The following MACROD2 variants were observed in gnomAD, a reference collection of about 807,000 sequenced individuals.
MACROD2 encodes ADP-ribose glycohydrolase MACROD2.
In MACROD2, 36 loss-of-function variants were observed where a neutral mutation model predicts 70.4. The observed-to-expected ratio is 0.51, with a 90% CI of 0.39 to 0.68. The LOEUF (loss-of-function observed/expected upper bound fraction) is 0.68, where lower values mean the gene tolerates loss of function less well. Among genes scored for constraint, MACROD2 ranks in the 30% least tolerant of loss-of-function variants. MACROD2 has a pLI of 0.00. For synonymous variants in MACROD2, 172 were observed against 178.8 expected, an observed-to-expected ratio of 0.96 and a Z score of 0.30; for missense variants, 496 against 538.4, an observed-to-expected ratio of 0.92 and a Z score of 0.78.
At chr20:15,685,664 C>T (rs543214098) in intron 8 of MACROD2, among the ~76,000 whole-genome samples, 5 of 151,934 alleles carry the variant, frequency 3.3e-5, no homozygotes, top group South Asian at 4.1e-4. Flanking sequence ...GACCTTCTAA[C>T]CTCCAGGCTT....
chr20:14,369,290 T>G (rs1446451096), intron 3 of MACROD2, among the ~76,000 whole-genome samples: 1 of 84,542 alleles, frequency 1.2e-5, no homozygotes, highest in Non-Finnish European at 3.1e-5. Flanking sequence ...TTATAGCAAA[T>G]GTAGTTTTTT....
chr20:14,451,516 G>A (rs2084244859), intron 3 of MACROD2, among the ~76,000 whole-genome samples: 1 of 152,180 alleles, frequency 6.6e-6, no homozygotes, highest in Non-Finnish European at 1.5e-5. Flanking sequence ...ATCCCACTGG[G>A]AACTCTGGGA....
intron 8 of MACROD2, among the ~76,000 whole-genome samples, chr20:15,764,104 A>G (rs1377451432): frequency 6.6e-6 from 1 of 152,348 alleles, no homozygotes; most frequent in East Asian, 1.9e-4. Context: ...GCCATTCCAT[A>G]GAAGAGAAGT....
chr20:15,390,486 C>T (rs1023592247), intron 6 of MACROD2, among the ~76,000 whole-genome samples: 1 of 152,218 alleles, frequency 6.6e-6, no homozygotes, highest in South Asian at 2.1e-4. Flanking sequence ...CACTTTGTAG[C>T]CTTCAGAATC....
intron 5 of MACROD2, among the ~76,000 whole-genome samples, chr20:14,802,492 C>G (rs1488739630): frequency 6.6e-6 from 1 of 151,818 alleles, no homozygotes; most frequent in East Asian, 1.9e-4. Flanking sequence ...ACTGTTGATA[C>G]ATGTGCTTAC....
chr20:15,573,809 T>A (rs1458099116), intron 8 of MACROD2, among the ~76,000 whole-genome samples: 1 of 152,124 alleles, frequency 6.6e-6, no homozygotes. Flanking sequence ...GCACTTGGAA[T>A]GGTGTAGCCA....
intron 4 of MACROD2, among the ~76,000 whole-genome samples, chr20:14,638,835 A>G (rs1419628385): frequency 6.6e-6 from 1 of 151,956 alleles, no homozygotes; most frequent in Non-Finnish European, 1.5e-5. Flanking sequence ...CTGTAGTCCT[A>G]GCTACTCGGG....
intron 13 of MACROD2, among the ~76,000 whole-genome samples, chr20:15,971,826 CAG>C (rs1455397299): frequency 1.3e-4 from 20 of 151,946 alleles, no homozygotes; most frequent in Non-Finnish European, 5.9e-5. Flanking sequence ...GGTAAAATCT[CAG>C]AGTCTTCATA....
intron 3 of MACROD2, among the ~76,000 whole-genome samples, chr20:14,230,011 A>G (rs961994802): frequency 3.9e-5 from 6 of 152,234 alleles, no homozygotes; most frequent in African/African-American, 1.4e-4. Context: ...ATAGCATTAT[A>G]TCTAAAAACA....
intron 2 of MACROD2, among the ~76,000 whole-genome samples, chr20:14,082,010 A>T (rs898671240): frequency 6.6e-6 from 1 of 152,148 alleles, no homozygotes; most frequent in Non-Finnish European, 1.5e-5. Flanking sequence ...TCACAGCAGT[A>T]TATTTATTCA....
At chr20:14,740,533 A>G (rs932584752) in intron 5 of MACROD2, among the ~76,000 whole-genome samples, 1 of 152,192 alleles carries the variant, frequency 6.6e-6, no homozygotes, top group Non-Finnish European at 1.5e-5. Context: ...AAATTAAACT[A>G]TCTTGCATAT....
intron 2 of MACROD2, among the ~76,000 whole-genome samples, chr20:14,084,376 C>T (rs535723181): frequency 6.6e-6 from 1 of 152,212 alleles, no homozygotes; most frequent in African/African-American, 2.4e-5. Context: ...GAGAGTGTCT[C>T]AGTGAATGAA....
intron 4 of MACROD2, among the ~76,000 whole-genome samples, chr20:14,591,499 G>T (rs764460875): frequency 9.2e-5 from 14 of 152,284 alleles, no homozygotes; most frequent in Non-Finnish European, 7.3e-5. Context: ...TTTTAAAAGC[G>T]ATTTCAGCTG....
intron 8 of MACROD2, among the ~76,000 whole-genome samples, chr20:15,722,736 A>C (rs1048926529): frequency 6.6e-6 from 1 of 152,154 alleles, no homozygotes; most frequent in Non-Finnish European, 1.5e-5. Context: ...AATTTTAATA[A>C]AATTGACATA....
chr20:14,648,606 CTTTG>C (rs1232184592), intron 4 of MACROD2, among the ~76,000 whole-genome samples: 3 of 148,564 alleles, frequency 2.0e-5, no homozygotes, highest in Non-Finnish European at 3.0e-5. Flanking sequence ...TTTGCCTCTT[CTTTG>C]TTTATTTAAA....
chr20:15,941,427 A>T (rs1203020715), intron 12 of MACROD2, among the ~76,000 whole-genome samples: 2 of 152,180 alleles, frequency 1.3e-5, no homozygotes, highest in Admixed American at 6.5e-5. Context: ...TTCAGAGCTT[A>T]GACCAGCTTA....
intron 15 of MACROD2, among the ~76,000 whole-genome samples, chr20:16,030,218 T>C (rs1187518809): frequency 6.6e-6 from 1 of 152,186 alleles, no homozygotes; most frequent in Non-Finnish European, 1.5e-5. Context: ...AAGTCCAAGA[T>C]GGCAACTGTG....
chr20:15,487,741 GAAC>G (rs1050946767), intron 7 of MACROD2, among the ~76,000 whole-genome samples: 37 of 152,266 alleles, frequency 2.4e-4, no homozygotes, highest in African/African-American at 8.9e-4. Flanking sequence ...CAGGGGAGCT[GAAC>G]ACTGAGAAGT....
In MACROD2 at chr20:14,842,142, G is replaced by A. The variant is rs77601627; in HGVS notation, c.418+157183G>A. ...GGCATGATTGAAGGCATCGCATGGCGAGACCGACCGTTCTCTAGAGAGAGG... is the reference window on the plus strand; with the variant it reads ...GGCATGATTGAAGGCATCGCATGGCAAGACCGACCGTTCTCTAGAGAGAGG... On this transcript the variant is annotated intron_variant, in intron 5 of 17. Coordinates refer to ENST00000684519, the MANE Select transcript of MACROD2 (RefSeq NM_001351661.2). Among the ~76,000 whole-genome samples the A allele has an allele frequency of 3.0e-3, 450 of 152,156 alleles. 8 individuals carry two copies. Among genetic ancestry groups the A allele is most frequent in the African/African-American group, 9.9e-3 (409 of 41,522 alleles).
Sources: gnomAD v4.1 joint callset for allele counts (sites outside exome capture counted in the v4.1 genomes callset) on GRCh38, gnomAD v4.1.1 for gene constraint, MANE v1.5 for transcripts, NCBI Gene and HGNC (gene_info 2026-07-23, HGNC 2026-07-21) for gene names.